The following CSMD1 variants were observed in gnomAD, a reference collection of about 807,000 sequenced individuals.
CSMD1 encodes CUB and sushi domain-containing protein 1.
A neutral mutation model predicts 417.5 loss-of-function variants in CSMD1; 213 were observed. That is an observed-to-expected ratio of 0.51 (90% CI 0.46 to 0.57). CSMD1 has a LOEUF of 0.57. Among genes scored for constraint, CSMD1 ranks in the 20% least tolerant of loss-of-function variants. CSMD1 has a pLI of 0.00. For synonymous variants in CSMD1, 2,862 were observed against 1,736.8 expected (o/e 1.65, Z -16.11); for missense variants, 6,923 against 4,529.7 (o/e 1.53, Z -15.17).
intron 3 of CSMD1, among the ~76,000 whole-genome samples, chr8:4,352,530 A>G (rs1009946590): frequency 6.6e-6 from 1 of 152,228 alleles, no homozygotes; most frequent in African/African-American, 2.4e-5. Context: ...TCCAGTTGCA[A>G]AAGAATGCAG....
At chr8:4,807,407 G>A (rs1798652665) in intron 1 of CSMD1, among the ~76,000 whole-genome samples, 1 of 152,046 alleles carries the variant, frequency 6.6e-6, no homozygotes, top group Non-Finnish European at 1.5e-5. Context: ...CGTGCTCCAG[G>A]CAGCCAAACA....
intron 5 of CSMD1, among the ~76,000 whole-genome samples, chr8:3,958,746 G>A (rs1370119266): frequency 6.6e-6 from 1 of 152,148 alleles, no homozygotes; most frequent in Non-Finnish European, 1.5e-5. Context: ...TATGGGTGAG[G>A]TCACACAAAG....
intron 1 of CSMD1, among the ~76,000 whole-genome samples, chr8:4,743,265 G>A (rs540714665): frequency 2.2e-4 from 33 of 152,248 alleles, no homozygotes; most frequent in African/African-American, 7.5e-4. Flanking sequence ...AAAATTTGAT[G>A]AAGGACCAAA....
chr8:4,332,101 G>T lies in CSMD1; in HGVS notation c.415+87852C>A, dbSNP rs184613787. ...AATCATCTATTTTTAATTTTGCCAAGAAACCACGCATAATTCTACCCCAAA... is the reference window on the plus strand; with the variant it reads ...AATCATCTATTTTTAATTTTGCCAATAAACCACGCATAATTCTACCCCAAA... On this transcript the variant is annotated intron_variant, in intron 3 of 69. Transcript: ENST00000635120. Among the ~76,000 whole-genome samples, 452 of 152,172 alleles carry T rather than the reference G, an allele frequency of 3.0e-3. 7 individuals carry two copies. Among genetic ancestry groups the T allele is most frequent in the Non-Finnish European group, 1.1e-3 (76 of 68,002 alleles).
At chr8:4,611,063 A>G (rs954263515) in intron 2 of CSMD1, among the ~76,000 whole-genome samples, 45 of 152,112 alleles carry the variant, frequency 3.0e-4, no homozygotes, top group Admixed American at 1.3e-4. Context: ...ACAAAAACTT[A>G]AGAAAAGTGA....
At position 4,444,220 on chromosome 8, in the gene CSMD1, T is replaced by G. The variant is rs143716004; in HGVS notation, c.303-24155A>C. ...AGCCAGGCATGGTGGCACAGACCTG[T>G]GATCCCAACTACTCGGGAGGCTGAG... On this transcript the variant is annotated intron_variant, in intron 2 of 69. Transcript: ENST00000635120. 4.7e-3 allele frequency among the ~76,000 whole-genome samples: 720 copies of G among 151,854 alleles called. 8 individuals are homozygous for G. Among genetic ancestry groups the G allele is most frequent in the African/African-American group, 0.016 (682 of 41,396 alleles).
intron 1 of CSMD1, among the ~76,000 whole-genome samples, chr8:4,679,574 T>C (rs1370886968): frequency 6.6e-6 from 1 of 152,278 alleles, no homozygotes; most frequent in East Asian, 1.9e-4. Context: ...TTTCACACTA[T>C]GAAAACTGCA....
intron 2 of CSMD1, among the ~76,000 whole-genome samples, chr8:4,563,834 G>C (rs558697045): frequency 6.6e-6 from 1 of 152,134 alleles, no homozygotes; most frequent in Non-Finnish European, 1.5e-5. Flanking sequence ...CTAAGTATAA[G>C]AATATCTAGG....
At chr8:4,915,997 T>A (rs1466716039) in intron 1 of CSMD1, among the ~76,000 whole-genome samples, 1 of 152,164 alleles carries the variant, frequency 6.6e-6, no homozygotes, top group Non-Finnish European at 1.5e-5. Context: ...TGGTCCAGCT[T>A]GCAAGAGCTA....
At chr8:3,862,333 C>G (rs540660640) in intron 5 of CSMD1, among the ~76,000 whole-genome samples, 1 of 152,212 alleles carries the variant, frequency 6.6e-6, no homozygotes, top group South Asian at 2.1e-4. Flanking sequence ...AGGGCGTCCA[C>G]CAGGTGACCT....
chr8:4,122,951 C>T (rs775816002), intron 3 of CSMD1, among the ~76,000 whole-genome samples: 1 of 152,230 alleles, frequency 6.6e-6, no homozygotes, highest in Non-Finnish European at 1.5e-5. Context: ...TACTGCAAAG[C>T]AGCACTGTGG....
chr8:4,174,589 C>T lies in CSMD1; in HGVS notation c.416-142490G>A, dbSNP rs532127550. On this transcript the variant is annotated intron_variant, in intron 3 of 69. Transcript: ENST00000635120. The stretch of plus-strand genomic sequence containing the variant: ...CTGCATGCACTCTGGCTGGGATACA[C>T]AATGTCTGAAGCCTCTTTTATAATA... 2.0e-5 allele frequency among the ~76,000 whole-genome samples: 3 copies of T among 150,016 alleles called. No individual in the cohort carries two copies. The South Asian group carries it at 6.4e-4, about 32-fold the overall frequency.
At chr8:4,055,020 C>T (rs1034347438) in intron 3 of CSMD1, among the ~76,000 whole-genome samples, 3 of 152,218 alleles carry the variant, frequency 2.0e-5, no homozygotes, top group South Asian at 2.1e-4. Flanking sequence ...GTGAAGAAGG[C>T]GCCTATTTCA....
chr8:4,429,956 A>G (rs1425354682), intron 2 of CSMD1, among the ~76,000 whole-genome samples: 1 of 152,182 alleles, frequency 6.6e-6, no homozygotes, highest in Non-Finnish European at 1.5e-5. Context: ...GACAAGAGGC[A>G]AAGGGGAGAA....
At chr8:3,109,788 C>A (rs1168585682) in intron 43 of CSMD1, among the ~76,000 whole-genome samples, 1 of 151,202 alleles carries the variant, frequency 6.6e-6, no homozygotes, top group African/African-American at 2.4e-5. Flanking sequence ...CACACAGACA[C>A]CACACACACA....
At chr8:4,937,249 A>G (rs1284651785) in intron 1 of CSMD1, among the ~76,000 whole-genome samples, 1 of 152,168 alleles carries the variant, frequency 6.6e-6, no homozygotes, top group South Asian at 2.1e-4. Context: ...TTTTATAAAT[A>G]TAAGGACAAA....
At chr8:4,307,244 A>G (rs1004520641) in intron 3 of CSMD1, among the ~76,000 whole-genome samples, 8 of 152,122 alleles carry the variant, frequency 5.3e-5, no homozygotes, top group African/African-American at 1.9e-4. Flanking sequence ...TGAGTCTAAC[A>G]TATGCTAATC....
At chr8:4,114,808 C>A (rs751717298) in intron 3 of CSMD1, among the ~76,000 whole-genome samples, 1 of 151,976 alleles carries the variant, frequency 6.6e-6, no homozygotes, top group Non-Finnish European at 1.5e-5. Context: ...GTAGAAATAG[C>A]GAGAGGTAAA....
At chr8:4,529,055 T>G (rs1050343444) in intron 2 of CSMD1, among the ~76,000 whole-genome samples, 7 of 152,138 alleles carry the variant, frequency 4.6e-5, no homozygotes, top group African/African-American at 1.7e-4. Flanking sequence ...TTTTAAAAAA[T>G]GATGATCTGA....
Sources: gnomAD v4.1 joint callset for allele counts (sites outside exome capture counted in the v4.1 genomes callset) on GRCh38, gnomAD v4.1.1 for gene constraint, MANE v1.5 for transcripts, NCBI Gene and HGNC (gene_info 2026-07-23, HGNC 2026-07-21) for gene names.